The following MTHFD1 variants were observed in gnomAD, a reference collection of about 807,000 sequenced individuals.
MTHFD1 encodes C-1-tetrahydrofolate synthase, cytoplasmic.
MTHFD1 carries 44 observed loss-of-function variants against 110.3 expected under a neutral mutation model. The observed-to-expected ratio is 0.40, with a 90% CI of 0.31 to 0.51. MTHFD1 has a LOEUF of 0.51. Among genes scored for constraint, MTHFD1 ranks in the 20% least tolerant of loss-of-function variants. The pLI is 0.60. For missense variants in MTHFD1, 909 were observed against 1,173.1 expected, an observed-to-expected ratio of 0.77 and a Z score of 3.29; for synonymous variants, 402 against 428.8, an observed-to-expected ratio of 0.94 and a Z score of 0.77.
At chr14:64,399,236 A>G (rs1385461509) in intron 1 of MTHFD1, among the ~76,000 whole-genome samples, 1 of 152,200 alleles carries the variant, frequency 6.6e-6, no homozygotes, top group African/African-American at 2.4e-5. Context: ...AAAAAAGATG[A>G]GCATCAGCAC....
intron 22 of MTHFD1, 184 bp downstream of exon 22, chr14:64,444,918 A>C: frequency 1.5e-6 from 1 of 649,882 alleles, no homozygotes; most frequent in Non-Finnish European, 2.8e-6. Context: ...GTACCTCACA[A>C]AATAGAATTG....
intron 22 of MTHFD1, among the ~76,000 whole-genome samples, chr14:64,447,149 C>CTTTTTTTT (rs35824559): frequency 3.6e-5 from 2 of 56,236 alleles, no homozygotes; most frequent in Non-Finnish European, 6.0e-5. Context: ...CAGCTCAGTT[C>CTTTTTTTT]TTTTTTTTTT....
Position 64,431,862 on chromosome 14 carries a change from G to A in MTHFD1, c.1494+1G>A. 1 of 1,613,548 alleles carries A rather than the reference G, an allele frequency of 6.2e-7. No individual in the cohort carries two copies. Among genetic ancestry groups the A allele is most frequent in the Non-Finnish European group, 8.5e-7 (1 of 1,179,476 alleles). Reference sequence around the variant, plus strand: ...TGACATCCAAATCCGAAGGTTAAAGGTAAGCTTTTTTTCTTCCACATTTTT... The same window carrying A: ...TGACATCCAAATCCGAAGGTTAAAGATAAGCTTTTTTTCTTCCACATTTTT... On this transcript the variant is annotated splice_donor_variant, in intron 15 of 27. Transcript: ENST00000652337. LOFTEE classifies it high-confidence loss of function.
Position 64,426,198 on chromosome 14 carries a change from C to T in MTHFD1, c.1127+6C>T. On this transcript the variant is annotated splice_donor_region_variant and intron_variant, in intron 11 of 27. Transcript: ENST00000652337. Reference sequence around the variant, plus strand: ...AAATACGTGGTGGTGACTGGGTATGCTTTTTATTCATGTTGCCATCCAAAT... The same window carrying T: ...AAATACGTGGTGGTGACTGGGTATGTTTTTTATTCATGTTGCCATCCAAAT... 6.2e-7 allele frequency: 1 copy of T among 1,614,066 alleles called. No homozygotes were observed. The highest frequency in any genetic ancestry group is 8.5e-7 in the Non-Finnish European group (1 of 1,180,022).
intron 24 of MTHFD1, among the ~76,000 whole-genome samples, chr14:64,451,310 A>G (rs1299932490): frequency 6.6e-6 from 1 of 152,110 alleles, no homozygotes; most frequent in Non-Finnish European, 1.5e-5. Flanking sequence ...GCATGAGCCA[A>G]TGTGCCTGGC....
chr14:64,449,984 G>T (rs996434877), intron 24 of MTHFD1, among the ~76,000 whole-genome samples: 2 of 152,150 alleles, frequency 1.3e-5, no homozygotes, highest in African/African-American at 2.4e-5. Context: ...TAGAGATGGG[G>T]TTTCACCATC....
rs1373740858 is a variant in MTHFD1, at chr14:64,425,836, A to G, written c.953+9A>G. 1 of 1,611,122 alleles carries G rather than the reference A, an allele frequency of 6.2e-7. No individual in the cohort carries two copies. Among genetic ancestry groups the G allele is most frequent in the Admixed American group, 1.7e-5 (1 of 60,016 alleles). On this transcript the variant is annotated intron_variant, in intron 10 of 27. Transcript: ENST00000652337. ...AAGACACCTGTTCCAAGGTAAAAAT[A>G]AAGTTTTACTGATTTAAAACTTTGT... is the stretch of plus-strand genomic sequence containing the variant.
intron 8 of MTHFD1, 142 bp downstream of exon 8, chr14:64,420,067 AGAGT>A (rs1380156726): frequency 2.8e-6 from 2 of 724,686 alleles, no homozygotes; most frequent in Non-Finnish European, 5.0e-6. Context: ...AAGGGTGCAC[AGAGT>A]TAGTAGATAG....
At chr14:64,411,825 T>A (rs551162981) in intron 3 of MTHFD1, among the ~76,000 whole-genome samples, 1 of 151,986 alleles carries the variant, frequency 6.6e-6, no homozygotes, top group Admixed American at 6.5e-5. Flanking sequence ...CGCTTGAACC[T>A]GGGAGGCGGA....
intron 22 of MTHFD1, among the ~76,000 whole-genome samples, chr14:64,445,700 G>C (rs889784944): frequency 6.6e-6 from 1 of 152,130 alleles, no homozygotes; most frequent in African/African-American, 2.4e-5. Flanking sequence ...TCTGATTCAC[G>C]CGTAGGAGGG....
At chr14:64,411,775 C>T (rs545760096) in intron 3 of MTHFD1, among the ~76,000 whole-genome samples, 8 of 152,222 alleles carry the variant, frequency 5.3e-5, no homozygotes, top group African/African-American at 1.4e-4. Context: ...GTGGCGCATG[C>T]CTGTAATCCC....
At chr14:64,412,672 A>G (rs1460822424) in intron 4 of MTHFD1, 147 bp downstream of exon 4, 1 of 619,682 alleles carries the variant, frequency 1.6e-6, no homozygotes, top group Non-Finnish European at 2.8e-6. Context: ...AGTTTTGCTC[A>G]TGTCACCCAG....
At chr14:64,431,309 GC>G (rs2078158080) in intron 13 of MTHFD1, among the ~76,000 whole-genome samples, 1 of 151,724 alleles carries the variant, frequency 6.6e-6, no homozygotes, top group African/African-American at 2.4e-5. Flanking sequence ...GAAGTGATCC[GC>G]CCGCCTCGGC....
At chr14:64,441,301 TA>T in intron 18 of MTHFD1, 83 bp from the exon 19 acceptor site, 3 of 1,290,410 alleles carry the variant, frequency 2.3e-6, no homozygotes, top group Non-Finnish European at 3.4e-6. Context: ...CTAACATGGG[TA>T]AGCCTAGAAT....
In MTHFD1 at chr14:64,421,714, T is replaced by C. The variant is rs531291660; in HGVS notation, c.727+1789T>C. On this transcript the variant is annotated intron_variant, in intron 8 of 27. Transcript: ENST00000652337. Reference sequence around the variant, plus strand: ...TCTCGGCTCACTGCAAGCTCCGCCTTGCGGGTTCATGCCATTCTCCCGCCT... The same window carrying C: ...TCTCGGCTCACTGCAAGCTCCGCCTCGCGGGTTCATGCCATTCTCCCGCCT... Among the ~76,000 whole-genome samples, 225 of 152,150 alleles carry C rather than the reference T, an allele frequency of 1.5e-3. 1 individual carries two copies. The highest frequency in any genetic ancestry group is 2.2e-3 in the Non-Finnish European group (151 of 67,980).
At chr14:64,441,946 G>T in intron 19 of MTHFD1, 108 bp from the exon 20 acceptor site, 1 of 764,788 alleles carries the variant, frequency 1.3e-6, no homozygotes. Flanking sequence ...TTTTCCCTCT[G>T]GGAAGTATTC....
At position 64,425,809 on chromosome 14, in the gene MTHFD1, T is replaced by A; in HGVS notation, c.935T>A (p.Leu312His). ...ATGATTCAGTATAACAACCTTAACC[T>A]CAAGACACCTGTTCCAAGGTAAAAA... ...KWMIQYNNLN[L>H]KTPVPSDIDI... The change falls in exon 10 of 28, where the codon CTC becomes CAC. Residue 312 changes from leucine to histidine, a missense_variant. Physicochemically the swap from Leu to His is moderately conservative, Grantham distance 99 (BLOSUM62 -3). Transcript: ENST00000652337. 6.2e-7 allele frequency: 1 copy of A among 1,613,788 alleles called. No homozygotes were observed. Among genetic ancestry groups the A allele is most frequent in the Non-Finnish European group, 8.5e-7 (1 of 1,179,760 alleles).
At position 64,440,181 on chromosome 14, in the gene MTHFD1, C is replaced by A. The variant is rs1566570826; in HGVS notation, c.1730C>A (p.Thr577Asn). 6.2e-7 allele frequency: 1 copy of A among 1,614,140 alleles called. No homozygotes were observed. Among genetic ancestry groups the A allele is most frequent in the South Asian group, 1.1e-5 (1 of 91,086 alleles). The part of the protein sequence containing the change: ...SEIMAVLALT[T>N]SLEDMRERLG... ...ATTATGGCTGTCCTGGCTCTCACCACTTCTCTAGAAGACATGAGAGAGAGA... is the reference window on the plus strand; with the variant it reads ...ATTATGGCTGTCCTGGCTCTCACCAATTCTCTAGAAGACATGAGAGAGAGA... Residue 577 changes from threonine (T) to asparagine (N), a missense_variant, in exon 18 of 28, where the codon ACT becomes AAT. Coordinates refer to ENST00000652337, the MANE Select transcript of MTHFD1 (RefSeq NM_005956.4).
intron 13 of MTHFD1, 118 bp downstream of exon 13, chr14:64,430,348 G>T: frequency 1.0e-6 from 1 of 958,594 alleles, no homozygotes; most frequent in Non-Finnish European, 1.7e-6. Context: ...CCCAGAGCTG[G>T]AGTGCAATGG....
Sources: allele counts gnomAD v4.1 joint callset (sites outside exome capture counted in the v4.1 genomes callset), GRCh38; gene constraint gnomAD v4.1.1; transcripts MANE v1.5; gene names NCBI Gene and HGNC (gene_info 2026-07-23, HGNC 2026-07-21).